PRKAG3: variants seen among roughly 807,000 people sequenced by gnomAD.
The protein encoded by PRKAG3 is protein kinase AMP-activated non-catalytic subunit gamma 3.
In PRKAG3, 39 loss-of-function variants were observed where a neutral mutation model predicts 56.5. The ratio of observed to expected loss-of-function variants is 0.69; its 90% CI spans 0.53 to 0.90. The LOEUF is 0.90. Ranked by LOEUF, PRKAG3 falls within the 40% of genes least tolerant of loss-of-function variation. The pLI, the probability that PRKAG3 is intolerant of heterozygous loss-of-function variation, is 0.00. For synonymous variants in PRKAG3, 243 were observed against 250.1 expected (o/e 0.97, Z 0.27); for missense variants, 628 against 627.5 (o/e 1.00, Z -0.01).
At chr2:218,823,221 G>T, downstream of PRKAG3, 2 of 278,634 alleles carry the variant, frequency 7.2e-6, no homozygotes, top group Non-Finnish European at 1.2e-5. Context: ...CCAGGAAAGA[G>T]TCTGAGATCA....
exon 4 of PRKAG3, chr2:218,829,982 A>C (rs781389499): frequency 6.8e-6 from 11 of 1,613,038 alleles, no homozygotes; most frequent in Non-Finnish European, 9.3e-6. Context: ...CCTCACCTCC[A>C]GCATGGTGTC....
intron 4 of PRKAG3, among the ~76,000 whole-genome samples, chr2:218,829,472 C>G (rs1037797004): frequency 1.3e-5 from 2 of 151,998 alleles, no homozygotes; most frequent in South Asian, 2.1e-4. Context: ...AGGCGCCCAC[C>G]ACCACGGCCG....
At chr2:218,822,905 C>T (rs1485799668), downstream of PRKAG3, 22 of 985,398 alleles carry the variant, frequency 2.2e-5, no homozygotes, top group Admixed American at 6.1e-5. Context: ...AGGGGATGGG[C>T]GGGCATGGAG....
At chr2:218,829,187 T>G (rs969797704) in intron 4 of PRKAG3, among the ~76,000 whole-genome samples, 2 of 152,200 alleles carry the variant, frequency 1.3e-5, no homozygotes, top group African/African-American at 4.8e-5. Flanking sequence ...TGGGAAACAC[T>G]GCACTGCATA....
At chr2:218,824,148 A>G in intron 12 of PRKAG3, 74 bp downstream of exon 12, 2 of 1,609,694 alleles carry the variant, frequency 1.2e-6, no homozygotes, top group South Asian at 1.1e-5. Context: ...CCCGATGTTC[A>G]GGGATGGCTG....
At chr2:218,824,081 G>A in intron 12 of PRKAG3, 141 bp downstream of exon 12, 1 of 1,401,998 alleles carries the variant, frequency 7.1e-7, no homozygotes, top group Non-Finnish European at 9.9e-7. Context: ...ACAGGACCAG[G>A]TGCAGGCCAG....
chr2:218,829,109 A>G (rs901241906), intron 4 of PRKAG3, among the ~76,000 whole-genome samples: 5 of 152,232 alleles, frequency 3.3e-5, no homozygotes, highest in Non-Finnish European at 5.9e-5. Flanking sequence ...AGCTACTGAA[A>G]TAGACATATT....
intron 4 of PRKAG3, among the ~76,000 whole-genome samples, 195 bp from the exon 5 acceptor site, chr2:218,828,795 T>A (rs939780846): frequency 6.6e-5 from 10 of 152,108 alleles, no homozygotes; most frequent in Non-Finnish European, 1.0e-4. Context: ...ACGCTAGACA[T>A]GATCGTTGCT....
In PRKAG3 at chr2:218,827,068, A is replaced by C; in HGVS notation, c.1028T>G (p.Phe343Cys). 1 of 1,613,542 alleles carries C rather than the reference A, an allele frequency of 6.2e-7. No individual in the cohort carries two copies. The highest frequency in any genetic ancestry group is 8.5e-7 in the Non-Finnish European group (1 of 1,180,026). The change falls in exon 10 of 13, where the codon TTC (phenylalanine) becomes TGC (cysteine). Residue 343 changes from phenylalanine to cysteine, a missense_variant. Phe to Cys is a radical substitution (Grantham distance 205). Transcript: ENST00000529249. This position sits in a 1 kb window ranked among gnomAD's most constrained non-coding sequence, Gnocchi z 5.3. ...CAAATCTTGGATAGTGCGGTAGAGG[A>C]AGGAGGGCCGGGGCAGCAGGGAACC...
rs13411693 is a variant in PRKAG3 at position 218,824,456 on chromosome 2, G to T, written c.1206+83C>A. On this transcript the variant is annotated intron_variant, in intron 11 of 12. Transcript: ENST00000529249. ...TGTCAACCCCTGCATACTTGTCAAG[G>T]TCCCCCTGGTCCACAGAGGCCCCCC... 2.2e-3 allele frequency: 3,554 copies of T among 1,609,590 alleles called. 71 individuals carry two copies. In the African/African-American group the frequency reaches 0.041, roughly 19 times the overall value.
chr2:218,828,198 C>T (rs1320677096), intron 5 of PRKAG3, 136 bp from the exon 6 acceptor site: 1 of 892,402 alleles, frequency 1.1e-6, no homozygotes, highest in Non-Finnish European at 1.7e-6. Flanking sequence ...GACAGTGGGG[C>T]AGCCCCCCAG....
chr2:218,823,472 T>A (rs755499726), exon 13 of PRKAG3: 57 of 453,906 alleles, frequency 1.3e-4, no homozygotes, highest in Non-Finnish European at 2.0e-4. Flanking sequence ...ACAGTCTCCA[T>A]GACCTCAGCT....
chr2:218,830,657 AG>A, intron 3 of PRKAG3, 88 bp downstream of exon 3: 2 of 1,468,318 alleles, frequency 1.4e-6, no homozygotes, highest in Admixed American at 2.0e-5. Flanking sequence ...TGTGTTATGG[AG>A]GGACCTGAGG....
chr2:218,827,381 G>T lies in PRKAG3; in HGVS notation c.876-8C>A, dbSNP rs776435618. The T allele has an allele frequency of 6.2e-7, 1 of 1,614,042 alleles. No homozygotes were observed. Among genetic ancestry groups the T allele is most frequent in the East Asian group, 2.2e-5 (1 of 44,896 alleles). On this transcript the variant is annotated splice_polypyrimidine_tract_variant and splice_region_variant and intron_variant, in intron 8 of 12. Coordinates refer to ENST00000529249, the Ensembl canonical transcript of PRKAG3. This position sits in a 1 kb window ranked among gnomAD's most constrained non-coding sequence, Gnocchi z 5.3. ...TAGACAGCTTCAAACAGGCTGCAGA[G>T]ATGGGAGCAGTGAGCCTCGGGGCAG...
chr2:218,831,293 T>G, intron 2 of PRKAG3, 43 bp downstream of exon 2: 1 of 1,479,336 alleles, frequency 6.8e-7, no homozygotes, highest in Non-Finnish European at 9.2e-7. Context: ...GACAAGGAGG[T>G]GGGGGAAGAG....
At chr2:218,831,745 A>G (rs1944023480) in exon 1 of PRKAG3, 2 of 1,611,128 alleles carry the variant, frequency 1.2e-6, no homozygotes, top group Admixed American at 1.7e-5. Context: ...TACCCTGCGC[A>G]GTGCGTGCTC....
At chr2:218,824,293 G>A in exon 12 of PRKAG3, 2 of 1,614,162 alleles carry the variant, frequency 1.2e-6, no homozygotes, top group Non-Finnish European at 8.5e-7. Context: ...ACTCCCTCCA[G>A]ACATAGTGTC....
chr2:218,826,858 C>G, intron 10 of PRKAG3, 70 bp downstream of exon 10: 2 of 1,586,238 alleles, frequency 1.3e-6, no homozygotes, highest in Non-Finnish European at 1.7e-6. Flanking sequence ...CCCTGCCCTT[C>G]CCATATTCTC....
At chr2:218,831,605 G>A in intron 1 of PRKAG3, 133 bp downstream of exon 1, 1 of 1,224,684 alleles carries the variant, frequency 8.2e-7, no homozygotes, top group South Asian at 1.3e-5. Flanking sequence ...ACATGCACAT[G>A]CCCATATTCA....
Sources: gnomAD v4.1 joint callset for allele counts (sites outside exome capture counted in the v4.1 genomes callset) on GRCh38, gnomAD v4.1.1 for gene constraint, Gnocchi (gnomAD v3.1) non-coding constraint, MANE v1.5 for transcripts, NCBI Gene and HGNC (gene_info 2026-07-23, HGNC 2026-07-21) for gene names.